The following CTNNA3 variants were observed in gnomAD, a reference collection of about 807,000 sequenced individuals.
CTNNA3 encodes catenin alpha-3.
A neutral mutation model predicts 95.7 loss-of-function variants in CTNNA3; 76 were observed. The observed-to-expected ratio is 0.79, with a 90% CI of 0.66 to 0.96. CTNNA3 has a LOEUF of 0.96. Among genes scored for constraint, CTNNA3 ranks in the 40% least tolerant of loss-of-function variants. CTNNA3 has a pLI of 0.00. For synonymous variants in CTNNA3, 431 were observed against 374.4 expected, an observed-to-expected ratio of 1.15 and a Z score of -1.74; for missense variants, 1,191 against 1,089.8, an observed-to-expected ratio of 1.09 and a Z score of -1.31.
intron 7 of CTNNA3, among the ~76,000 whole-genome samples, chr10:67,049,325 A>G (rs570843156): frequency 6.6e-6 from 1 of 152,262 alleles, no homozygotes; most frequent in African/African-American, 2.4e-5. Flanking sequence ...CAGAACCCCA[A>G]TGTCAGGGAA....
chr10:65,999,034 G>T (rs2078719404), intron 15 of CTNNA3, among the ~76,000 whole-genome samples: 2 of 151,990 alleles, frequency 1.3e-5, no homozygotes, highest in African/African-American at 2.4e-5. Flanking sequence ...TCTCATAGAT[G>T]GTTATCATCA....
intron 10 of CTNNA3, among the ~76,000 whole-genome samples, chr10:66,528,687 C>T (rs556925206): frequency 7.6e-4 from 115 of 152,178 alleles, no homozygotes; most frequent in African/African-American, 2.7e-3. Flanking sequence ...TTTTTACCAC[C>T]TTCATACTTG....
At chr10:67,640,657 A>T (rs1273056095) in intron 2 of CTNNA3, among the ~76,000 whole-genome samples, 1 of 152,220 alleles carries the variant, frequency 6.6e-6, no homozygotes. Context: ...CAAAACAGAG[A>T]TATCGACCAA....
intron 9 of CTNNA3, among the ~76,000 whole-genome samples, chr10:66,668,095 A>ATAAGGGTG (rs1305749800): frequency 6.6e-6 from 1 of 152,138 alleles, no homozygotes; most frequent in Non-Finnish European, 1.5e-5. Context: ...CTTGCTTCTA[A>ATAAGGGTG]TAAGGGTGTA....
intron 1 of CTNNA3, among the ~76,000 whole-genome samples, chr10:67,691,988 G>A (rs1484406797): frequency 6.7e-6 from 1 of 149,736 alleles, no homozygotes; most frequent in Non-Finnish European, 1.5e-5. Flanking sequence ...CGGGAAGTGA[G>A]GGGCGCCTCT....
chr10:67,194,555 G>A (rs1244121046), intron 6 of CTNNA3, among the ~76,000 whole-genome samples: 2 of 151,038 alleles, frequency 1.3e-5, no homozygotes, highest in African/African-American at 4.8e-5. Context: ...GTTGCCAGTA[G>A]TTAGCAAGGA....
intron 13 of CTNNA3, among the ~76,000 whole-genome samples, chr10:66,213,182 A>T (rs1394248239): frequency 6.6e-6 from 1 of 152,146 alleles, no homozygotes; most frequent in Admixed American, 6.5e-5. Context: ...CTTTTTACTG[A>T]ATTTTCTACT....
At chr10:67,392,898 G>A (rs542299970) in intron 5 of CTNNA3, among the ~76,000 whole-genome samples, 21 of 152,160 alleles carry the variant, frequency 1.4e-4, no homozygotes, top group African/African-American at 4.6e-4. Flanking sequence ...ACACTCTGGG[G>A]ACTGTTGTGG....
chr10:67,236,907 T>C (rs1865489558), intron 5 of CTNNA3, among the ~76,000 whole-genome samples: 2 of 150,290 alleles, frequency 1.3e-5, no homozygotes, highest in Admixed American at 6.6e-5. Flanking sequence ...ACAGCCACTA[T>C]GGAAAACAGG....
chr10:66,146,971 T>G (rs1415188673), intron 13 of CTNNA3, among the ~76,000 whole-genome samples: 2 of 152,208 alleles, frequency 1.3e-5, no homozygotes, highest in African/African-American at 4.8e-5. Flanking sequence ...AAATTTTGAC[T>G]GGTTAGAAAG....
intron 5 of CTNNA3, among the ~76,000 whole-genome samples, chr10:67,427,001 T>C (rs1049467124): frequency 6.6e-6 from 1 of 152,068 alleles, no homozygotes; most frequent in Non-Finnish European, 1.5e-5. Flanking sequence ...TGAGTTTTCA[T>C]TTCTTATTAT....
chr10:67,277,464 T>G (rs1839224290), intron 5 of CTNNA3, among the ~76,000 whole-genome samples: 1 of 152,128 alleles, frequency 6.6e-6, no homozygotes, highest in Non-Finnish European at 1.5e-5. Flanking sequence ...GACTAAAGTG[T>G]AAAGAATCTC....
At chr10:67,212,566 A>T (rs1220364428) in intron 6 of CTNNA3, among the ~76,000 whole-genome samples, 4 of 151,922 alleles carry the variant, frequency 2.6e-5, no homozygotes, top group Non-Finnish European at 5.9e-5. Context: ...TAATTACTCA[A>T]ATTTAACTAT....
At chr10:67,647,369 A>T in intron 2 of CTNNA3, 46 bp downstream of exon 2, 2 of 1,297,912 alleles carry the variant, frequency 1.5e-6, no homozygotes, top group South Asian at 2.9e-5. Flanking sequence ...CATATTTTTC[A>T]TTCTTCTGCA....
intron 5 of CTNNA3, among the ~76,000 whole-genome samples, chr10:67,397,306 A>G (rs934618197): frequency 6.6e-6 from 1 of 152,196 alleles, no homozygotes; most frequent in African/African-American, 2.4e-5. Context: ...GATATGGACA[A>G]TAAAGTCCAG....
At chr10:66,307,538 G>A (rs923874779) in intron 12 of CTNNA3, among the ~76,000 whole-genome samples, 1 of 152,108 alleles carries the variant, frequency 6.6e-6, no homozygotes, top group African/African-American at 2.4e-5. Context: ...TATTCAGAGA[G>A]ATGACATAAT....
chr10:66,871,021 T>C lies in CTNNA3; in HGVS notation c.1048-95497A>G, dbSNP rs575247402. ...TACATTTCAATAAAACTATTATGAA[T>C]TGCATTTTAGAAAAAGGGCTTTGTT... On this transcript the variant is annotated intron_variant, in intron 7 of 17. Transcript: ENST00000433211. 1.3e-4 allele frequency among the ~76,000 whole-genome samples: 20 copies of C among 152,292 alleles called. No individual in the cohort carries two copies. In the South Asian group the frequency reaches 4.1e-3, roughly 32 times the overall value.
At chr10:66,346,637 A>G (rs2092523264) in intron 12 of CTNNA3, among the ~76,000 whole-genome samples, 1 of 152,090 alleles carries the variant, frequency 6.6e-6, no homozygotes, top group Admixed American at 6.6e-5. Context: ...CTCACAACAT[A>G]AATTTTGTAT....
At chr10:67,043,116 C>T (rs1032419778) in intron 7 of CTNNA3, among the ~76,000 whole-genome samples, 1 of 146,780 alleles carries the variant, frequency 6.8e-6, no homozygotes, top group Admixed American at 7.1e-5. Context: ...GATTTCATGC[C>T]TCAAGGCTCA....
Sources: gnomAD v4.1 joint callset for allele counts (sites outside exome capture counted in the v4.1 genomes callset) on GRCh38, gnomAD v4.1.1 for gene constraint, MANE v1.5 for transcripts, NCBI Gene and HGNC (gene_info 2026-07-23, HGNC 2026-07-21) for gene names.